Variants in CAMK2A observed in about 807,000 individuals in gnomAD.
CAMK2A encodes calcium/calmodulin dependent protein kinase II alpha, also known as calcium/calmodulin-dependent protein kinase type II subunit alpha.
CAMK2A carries 7 observed loss-of-function variants against 79.2 expected under a neutral mutation model. That is an observed-to-expected ratio of 0.09 (90% CI 0.05 to 0.17). The LOEUF (loss-of-function observed/expected upper bound fraction) is 0.17, where lower values mean the gene tolerates loss of function less well. CAMK2A is among the 10% of genes least tolerant of loss of function. The probability of loss-of-function intolerance (pLI) is 1.00; values close to 1 mark genes in which losing one functional copy is unlikely to be tolerated. For missense variants in CAMK2A, 214 were observed against 646.4 expected (o/e 0.33, Z 7.25); for synonymous variants, 242 against 251.7 (o/e 0.96, Z 0.36).
intron 2 of CAMK2A, among the ~76,000 whole-genome samples, chr5:150,266,025 A>G (rs957592715): frequency 1.1e-4 from 16 of 152,108 alleles, no homozygotes; most frequent in Admixed American, 2.6e-4. Context: ...GGGAGTGGCT[A>G]TTCTTCCAGA....
At chr5:150,258,646 G>C (rs1756165948) in intron 3 of CAMK2A, among the ~76,000 whole-genome samples, 1 of 152,226 alleles carries the variant, frequency 6.6e-6, no homozygotes. Flanking sequence ...CTCTGGGGAG[G>C]GGAATTGGGG....
intron 9 of CAMK2A, 23 bp downstream of exon 9, chr5:150,251,727 C>T (rs1755842588): frequency 6.5e-7 from 1 of 1,548,052 alleles, no homozygotes; most frequent in Non-Finnish European, 8.8e-7. Context: ...ATGATGGGAG[C>T]TGAAGAGAGG....
Position 150,289,684 on chromosome 5 carries a change from T to C in CAMK2A, c.-59A>G, listed in dbSNP as rs1757582842. The C allele has an allele frequency of 1.4e-6, 2 of 1,419,966 alleles. No homozygotes were observed. Among genetic ancestry groups the C allele is most frequent in the Non-Finnish European group, 2.0e-6 (2 of 1,010,654 alleles). The allele number at this position is 1,419,966 out of a possible 1,614,324, so 88.0% of individuals were successfully genotyped here. ...TGGGGGACCAGGACTGAGGCGCTGC[T>C]GCTCTGCTCCCGAACCTAGGGACCA... On this transcript the variant is annotated 5_prime_UTR_variant, in exon 1 of 19. Coordinates refer to ENST00000671881, the MANE Select transcript of CAMK2A (RefSeq NM_015981.4).
chr5:150,252,157 A>T, intron 7 of CAMK2A, 92 bp from the exon 8 acceptor site: 1 of 993,104 alleles, frequency 1.0e-6, no homozygotes, highest in Non-Finnish European at 1.5e-6. Flanking sequence ...GGGGATGAGG[A>T]TTGCTCTGGA....
chr5:150,270,070 G>A (rs1756680733), intron 2 of CAMK2A, among the ~76,000 whole-genome samples: 1 of 152,204 alleles, frequency 6.6e-6, no homozygotes, highest in Non-Finnish European at 1.5e-5. Flanking sequence ...TGCCCAATGC[G>A]CCCTTAGAAT....
At chr5:150,242,432 G>T (rs1755389255) in intron 13 of CAMK2A, among the ~76,000 whole-genome samples, 1 of 152,174 alleles carries the variant, frequency 6.6e-6, no homozygotes, top group South Asian at 2.1e-4. Flanking sequence ...TCACATCTCT[G>T]CCATTCCTGC....
chr5:150,272,992 TA>T, intron 2 of CAMK2A, 72 bp downstream of exon 2: 1 of 1,233,070 alleles, frequency 8.1e-7, no homozygotes, highest in Non-Finnish European at 1.2e-6. Flanking sequence ...GATCCTGGTC[TA>T]AACCAAGCAG....
intron 11 of CAMK2A, among the ~76,000 whole-genome samples, chr5:150,249,973 T>C (rs749888102): frequency 9.2e-5 from 14 of 152,288 alleles, no homozygotes; most frequent in Middle Eastern, 3.4e-3. Flanking sequence ...ATCTTGAGGC[T>C]TTCCCAGGCA....
At chr5:150,281,656 G>A (rs551338686) in intron 1 of CAMK2A, among the ~76,000 whole-genome samples, 1 of 152,312 alleles carries the variant, frequency 6.6e-6, no homozygotes, top group East Asian at 1.9e-4. Context: ...TCCATAGTTG[G>A]GCTTGGAGTA....
At chr5:150,247,195 T>C (rs1755609088) in intron 12 of CAMK2A, among the ~76,000 whole-genome samples, 1 of 152,234 alleles carries the variant, frequency 6.6e-6, no homozygotes, top group Non-Finnish European at 1.5e-5. Context: ...CCCAATCCAG[T>C]TAAAGGCACT....
chr5:150,260,582 G>A (rs757247324), intron 3 of CAMK2A, among the ~76,000 whole-genome samples: 10 of 152,124 alleles, frequency 6.6e-5, no homozygotes, highest in East Asian at 1.9e-4. Flanking sequence ...CAAACCCCAC[G>A]TGCTGGAGTG....
rs1005568655 is a variant in CAMK2A, at chr5:150,268,125, G to A, written c.158-3110C>T. Among the ~76,000 whole-genome samples, 8 of 152,054 alleles carry A rather than the reference G, an allele frequency of 5.3e-5. No homozygotes were observed. The South Asian group carries it at 1.0e-3, about 20-fold the overall frequency. Reference sequence around the variant, plus strand: ...GAACTCCTGACCTTGTGATCCGCCCGCCTTGCCCTCCCAAAGTGCTGGGAT... The same window carrying A: ...GAACTCCTGACCTTGTGATCCGCCCACCTTGCCCTCCCAAAGTGCTGGGAT... On this transcript the variant is annotated intron_variant, in intron 2 of 18. Transcript: ENST00000671881.
intron 1 of CAMK2A, among the ~76,000 whole-genome samples, chr5:150,277,968 C>T (rs776817548): frequency 1.1e-4 from 17 of 152,194 alleles, no homozygotes; most frequent in Non-Finnish European, 1.9e-4. Flanking sequence ...TTTCTTCTGA[C>T]TCAACCAACA....
rs1754323844 is a variant in CAMK2A at position 150,221,809 on chromosome 5, C to T, written c.*901G>A. On this transcript the variant is annotated 3_prime_UTR_variant, in exon 19 of 19. Transcript: ENST00000671881. ...TACCCCTCACCCCTCTTCCTACACCCCTTCCAACCTGACCCTTCTCACAAT... is the reference window on the plus strand; with the variant it reads ...TACCCCTCACCCCTCTTCCTACACCTCTTCCAACCTGACCCTTCTCACAAT... 5.1e-6 allele frequency: 2 copies of T among 392,756 alleles called. No individual in the cohort carries two copies. The highest frequency in any genetic ancestry group is 9.0e-6 in the Non-Finnish European group (2 of 223,172). The allele number at this position is 392,756 out of a possible 1,614,324, so 24.3% of individuals were successfully genotyped here.
At chr5:150,229,541 T>C (rs1250179709) in intron 16 of CAMK2A, among the ~76,000 whole-genome samples, 1 of 152,162 alleles carries the variant, frequency 6.6e-6, no homozygotes, top group African/African-American at 2.4e-5. Flanking sequence ...ACACAGGGCA[T>C]CCTGGACCCC....
intron 1 of CAMK2A, among the ~76,000 whole-genome samples, chr5:150,283,019 A>C (rs1184955131): frequency 6.6e-6 from 1 of 152,232 alleles, no homozygotes; most frequent in East Asian, 1.9e-4. Flanking sequence ...ACATCTCTGC[A>C]GACATAAGAT....
At chr5:150,233,613 A>C (rs1218392089) in intron 15 of CAMK2A, among the ~76,000 whole-genome samples, 5 of 152,054 alleles carry the variant, frequency 3.3e-5, no homozygotes, top group Admixed American at 6.6e-5. Flanking sequence ...AATGGGACCA[A>C]ACCAGAGTCT....
chr5:150,265,137 T>TA, intron 2 of CAMK2A, 122 bp from the exon 3 acceptor site: 2 of 745,102 alleles, frequency 2.7e-6, no homozygotes, highest in Admixed American at 2.1e-5. Flanking sequence ...CTGGGAAAGC[T>TA]CACCTTCTGG....
intron 6 of CAMK2A, 142 bp from the exon 7 acceptor site, chr5:150,253,688 C>T (rs1048796612): frequency 2.2e-5 from 15 of 667,932 alleles, no homozygotes; most frequent in Admixed American, 9.3e-5. Context: ...TCTCCAGCCC[C>T]GCCTCAGGCT....
Sources: gnomAD v4.1 joint callset for allele counts (sites outside exome capture counted in the v4.1 genomes callset) on GRCh38, gnomAD v4.1.1 for gene constraint, MANE v1.5 for transcripts, NCBI Gene and HGNC (gene_info 2026-07-23, HGNC 2026-07-21) for gene names.